The following VANGL1 variants were observed in gnomAD, a reference collection of about 807,000 sequenced individuals.
VANGL1 encodes the protein VANGL planar cell polarity protein 1, also known as vang-like protein 1.
A neutral mutation model predicts 48.4 loss-of-function variants in VANGL1; 18 were observed. The ratio of observed to expected loss-of-function variants is 0.37; its 90% CI spans 0.26 to 0.55. The LOEUF (loss-of-function observed/expected upper bound fraction) is 0.55. Ranked by LOEUF, VANGL1 falls within the 20% of genes least tolerant of loss-of-function variation. VANGL1 has a pLI of 0.81. For synonymous variants in VANGL1, 257 were observed against 261.8 expected (o/e 0.98, Z 0.18); for missense variants, 667 against 675.8 (o/e 0.99, Z 0.14).
At chr1:115,675,400 G>C (rs540857043) in intron 4 of VANGL1, among the ~76,000 whole-genome samples, 3 of 151,960 alleles carry the variant, frequency 2.0e-5, no homozygotes, top group African/African-American at 7.2e-5. Flanking sequence ...ACTCCGGTAG[G>C]CCGAGGCACG....
At chr1:115,661,783 A>G (rs894243921) in intron 3 of VANGL1, among the ~76,000 whole-genome samples, 4 of 151,792 alleles carry the variant, frequency 2.6e-5, no homozygotes, top group Admixed American at 6.6e-5. Flanking sequence ...ACGCCCAGCT[A>G]ATTTTTGTAT....
At chr1:115,684,868 G>A (rs1231824101) in intron 6 of VANGL1, among the ~76,000 whole-genome samples, 1 of 152,122 alleles carries the variant, frequency 6.6e-6, no homozygotes, top group East Asian at 1.9e-4. Context: ...CAGGGAGCAC[G>A]CAGCTCTGCT....
intron 4 of VANGL1, among the ~76,000 whole-genome samples, chr1:115,665,530 G>C (rs1190072679): frequency 1.3e-5 from 2 of 152,204 alleles, no homozygotes; most frequent in Non-Finnish European, 2.9e-5. Flanking sequence ...GCCTGTATTT[G>C]GAGTCAGGCC....
chr1:115,651,422 C>T lies in VANGL1; in HGVS notation c.9C>T (p.Thr3=), dbSNP rs750294518. 8.1e-6 allele frequency: 13 copies of T among 1,613,778 alleles called. 1 individual carries two copies. The highest frequency in any genetic ancestry group is 4.5e-5 in the East Asian group (2 of 44,890). MD[T]ESTYSGYSYY... Reference sequence around the variant, plus strand: ...GCAAGCCCTCCATTGCTATGGATACCGAATCCACTTATTCTGGATATTCTT... The same window carrying T: ...GCAAGCCCTCCATTGCTATGGATACTGAATCCACTTATTCTGGATATTCTT... The change falls in exon 2 of 8, where the codon ACC becomes ACT. Residue 3 remains threonine (T), a synonymous_variant. Transcript: ENST00000355485.
chr1:115,661,679 A>G (rs1652557698), intron 3 of VANGL1, among the ~76,000 whole-genome samples: 1 of 151,894 alleles, frequency 6.6e-6, no homozygotes, highest in Non-Finnish European at 1.5e-5. Context: ...GTGCAGCGGC[A>G]TGATATCACC....
At chr1:115,660,586 A>G (rs1177824587) in intron 3 of VANGL1, among the ~76,000 whole-genome samples, 3 of 152,192 alleles carry the variant, frequency 2.0e-5, no homozygotes, top group East Asian at 1.9e-4. Flanking sequence ...CATCTGAGCT[A>G]TACACAGAAA....
intron 1 of VANGL1, among the ~76,000 whole-genome samples, chr1:115,648,270 G>A (rs1287170957): frequency 6.6e-6 from 1 of 152,208 alleles, no homozygotes; most frequent in Non-Finnish European, 1.5e-5. Context: ...GGAGGACAAG[G>A]ATGTTACTTG....
At chr1:115,679,984 AGTGTGTGTGTGTGTGT>A (rs768501546) in intron 4 of VANGL1, among the ~76,000 whole-genome samples, 1 of 137,410 alleles carries the variant, frequency 7.3e-6, no homozygotes, top group African/African-American at 2.8e-5. Flanking sequence ...CACACCAGGG[AGTGTGTGTGTGTGTGT>A]GTGTGTGTGT....
chr1:115,669,018 C>T (rs544862984), intron 4 of VANGL1, among the ~76,000 whole-genome samples: 2 of 152,334 alleles, frequency 1.3e-5, no homozygotes, highest in South Asian at 2.1e-4. Flanking sequence ...ACAACCACCT[C>T]GGGCTGTCTT....
In VANGL1 at chr1:115,684,084, G is replaced by T; in HGVS notation, c.1079+8G>T. On this transcript the variant is annotated splice_region_variant and intron_variant, in intron 6 of 7. Coordinates refer to ENST00000355485, the MANE Select transcript of VANGL1 (RefSeq NM_138959.3). ...AAAGAAGCGGAAAGCAAGGTATACTGCCCTCCTGATGCCAGTACCCTCTTA... is the reference window on the plus strand; with the variant it reads ...AAAGAAGCGGAAAGCAAGGTATACTTCCCTCCTGATGCCAGTACCCTCTTA... 6.2e-7 allele frequency: 1 copy of T among 1,612,744 alleles called. No homozygotes were observed.
Position 115,691,494 on chromosome 1 carries a change from G to A in VANGL1, c.*115G>A, listed in dbSNP as rs771402153. 6.0e-6 allele frequency: 7 copies of A among 1,175,862 alleles called. No homozygotes were observed. The highest frequency in any genetic ancestry group is 2.7e-5 in the Admixed American group (1 of 37,138). The allele number at this position is 1,175,862 out of a possible 1,614,324, so 72.8% of individuals were successfully genotyped here. A position where few individuals can be genotyped will look rare whatever the true frequency, so the allele number is the denominator to read the frequency against. On this transcript the variant is annotated 3_prime_UTR_variant, in exon 8 of 8. Transcript: ENST00000355485. Reference sequence around the variant, plus strand: ...TCTTCTTCATTGCTGACTGAAACTGGCAGATGATTGACCAGTATCCTTTGA... The same window carrying A: ...TCTTCTTCATTGCTGACTGAAACTGACAGATGATTGACCAGTATCCTTTGA...
intron 3 of VANGL1, 107 bp from the exon 4 acceptor site, chr1:115,663,554 T>C (rs1652648218): frequency 2.0e-6 from 3 of 1,487,136 alleles, no homozygotes; most frequent in Non-Finnish European, 2.8e-6. Flanking sequence ...CTGGAAGCCT[T>C]TGTGAATAGG....
At chr1:115,673,265 A>G (rs960464573) in intron 4 of VANGL1, among the ~76,000 whole-genome samples, 3 of 152,076 alleles carry the variant, frequency 2.0e-5, no homozygotes, top group Non-Finnish European at 4.4e-5. Context: ...CTCCATTACC[A>G]TTGACCAGCT....
Position 115,651,427 on chromosome 1 carries a change from C to A in VANGL1, c.14C>A (p.Ser5Tyr). 6.2e-7 allele frequency: 1 copy of A among 1,614,034 alleles called. No homozygotes were observed. Residue 5 changes from serine (S) to tyrosine (Y), a missense_variant, in exon 2 of 8, where the codon TCC (serine) becomes TAC (tyrosine). By Grantham distance (144) the Ser-to-Tyr change is moderately radical. Transcript: ENST00000355485. The part of the protein sequence containing the change: MDTE[S>Y]TYSGYSYYSS... Reference sequence around the variant, plus strand: ...CCCTCCATTGCTATGGATACCGAATCCACTTATTCTGGATATTCTTACTAT... The same window carrying A: ...CCCTCCATTGCTATGGATACCGAATACACTTATTCTGGATATTCTTACTAT...
chr1:115,642,969 G>T (rs1651792602), intron 1 of VANGL1, among the ~76,000 whole-genome samples: 1 of 152,244 alleles, frequency 6.6e-6, no homozygotes, highest in Non-Finnish European at 1.5e-5. Context: ...GAGCAGATGA[G>T]ACTTGGAGCT....
At chr1:115,667,019 C>T (rs541140487) in intron 4 of VANGL1, among the ~76,000 whole-genome samples, 68 of 152,264 alleles carry the variant, frequency 4.5e-4, no homozygotes, top group African/African-American at 1.3e-3. Flanking sequence ...AGTGTAGAAA[C>T]AGACAGGAGG....
chr1:115,683,799 C>T, intron 5 of VANGL1, 145 bp from the exon 6 acceptor site: 2 of 1,089,738 alleles, frequency 1.8e-6, no homozygotes, highest in Admixed American at 1.9e-5. Flanking sequence ...ACAGTTCACC[C>T]TCCTGGGAAG....
intron 4 of VANGL1, among the ~76,000 whole-genome samples, chr1:115,679,379 G>T (rs1423395418): frequency 6.6e-6 from 1 of 152,236 alleles, no homozygotes; most frequent in Non-Finnish European, 1.5e-5. Context: ...GCATCCCACA[G>T]TACCCGCCCC....
intron 4 of VANGL1, among the ~76,000 whole-genome samples, chr1:115,673,169 C>T (rs969496793): frequency 6.6e-6 from 1 of 152,174 alleles, no homozygotes; most frequent in Non-Finnish European, 1.5e-5. Flanking sequence ...AGTGCCTGGG[C>T]AGCCGTCAGT....
Sources: gnomAD v4.1 joint callset for allele counts (sites outside exome capture counted in the v4.1 genomes callset) on GRCh38, gnomAD v4.1.1 for gene constraint, MANE v1.5 for transcripts, NCBI Gene and HGNC (gene_info 2026-07-23, HGNC 2026-07-21) for gene names.